The following GRAP2 variants were observed in gnomAD, a reference collection of about 807,000 sequenced individuals.
GRAP2 encodes GRB2 related adaptor protein 2.
Under a neutral mutation model 43.5 loss-of-function variants are expected in GRAP2, and 31 were observed. That is an observed-to-expected ratio of 0.71 (90% CI 0.54 to 0.96). The LOEUF is 0.96. GRAP2 is among the 40% of genes least tolerant of loss of function. The pLI, the probability that GRAP2 is intolerant of heterozygous loss-of-function variation, is 0.00. For missense variants in GRAP2, 371 were observed against 424.4 expected (o/e 0.87, Z 1.11); for synonymous variants, 156 against 164.8 (o/e 0.95, Z 0.41).
chr22:39,940,478 A>G (rs1031289477), intron 1 of GRAP2, among the ~76,000 whole-genome samples: 7 of 151,272 alleles, frequency 4.6e-5, no homozygotes, highest in Admixed American at 2.6e-4. Context: ...CAGGCGAGCC[A>G]TAAGGTAGTT....
At chr22:39,928,014 A>G (rs1393820135) in intron 1 of GRAP2, among the ~76,000 whole-genome samples, 1 of 152,234 alleles carries the variant, frequency 6.6e-6, no homozygotes, top group African/African-American at 2.4e-5. Context: ...TAGAGAGATC[A>G]CTGTCCCTAA....
At chr22:39,915,354 C>T (rs1276531981) in intron 1 of GRAP2, among the ~76,000 whole-genome samples, 1 of 152,044 alleles carries the variant, frequency 6.6e-6, no homozygotes, top group East Asian at 1.9e-4. Flanking sequence ...AGGCATTGAC[C>T]CCACACTGGC....
At chr22:39,970,305 T>C (rs955909827) in intron 7 of GRAP2, among the ~76,000 whole-genome samples, 2 of 152,092 alleles carry the variant, frequency 1.3e-5, no homozygotes, top group African/African-American at 4.8e-5. Context: ...GGTCTGGAAC[T>C]CCTGGGCTCA....
intron 1 of GRAP2, among the ~76,000 whole-genome samples, chr22:39,902,957 GC>G (rs544517911): frequency 8.6e-4 from 131 of 152,274 alleles, no homozygotes; most frequent in African/African-American, 3.1e-3. Context: ...ATTTCCTGAA[GC>G]CATCTCTTTT....
At chr22:39,932,548 C>CAAAA (rs137982) in intron 1 of GRAP2, among the ~76,000 whole-genome samples, 45 of 43,260 alleles carry the variant, frequency 1.0e-3, no homozygotes, top group African/African-American at 1.2e-3. Flanking sequence ...CCTGTCTCTA[C>CAAAA]AAAAAAAAAA....
chr22:39,973,507 A>G lies in GRAP2; in HGVS notation c.*2423A>G, dbSNP rs1243111780. ...TCGGTGTTCTGTTGTAGCAAAAGCT[A>G]CTGAAGAGTATTTTGTACTGAGATG... On this transcript the variant is annotated 3_prime_UTR_variant, in exon 8 of 8. Coordinates refer to ENST00000344138, the MANE Select transcript of GRAP2 (RefSeq NM_004810.4). The G allele has an allele frequency of 1.3e-5, 2 of 152,158 alleles. No homozygotes were observed. The highest frequency in any genetic ancestry group is 2.4e-5 in the African/African-American group (1 of 41,438). The allele number at this position is 152,158 out of a possible 1,614,324, so 9.4% of individuals were successfully genotyped here.
At chr22:39,969,245 G>A (rs2067212279) in intron 6 of GRAP2, 166 bp from the exon 7 acceptor site, 1 of 677,828 alleles carries the variant, frequency 1.5e-6, no homozygotes, top group African/African-American at 1.8e-5. Flanking sequence ...AATCTAAGGT[G>A]CCTTTAGACC....
At chr22:39,963,655 CA>C (rs760672413) in intron 4 of GRAP2, among the ~76,000 whole-genome samples, 8 of 152,150 alleles carry the variant, frequency 5.3e-5, no homozygotes, top group Non-Finnish European at 1.2e-4. Context: ...CAAATCCCAG[CA>C]CATAAGATGA....
At chr22:39,915,304 A>G (rs1278487902) in intron 1 of GRAP2, among the ~76,000 whole-genome samples, 9 of 151,916 alleles carry the variant, frequency 5.9e-5, no homozygotes, top group Non-Finnish European at 2.9e-5. Flanking sequence ...TTCACGGGGC[A>G]CTGCTCAAGG....
chr22:39,912,645 G>A (rs952945888), intron 1 of GRAP2, among the ~76,000 whole-genome samples: 1 of 152,190 alleles, frequency 6.6e-6, no homozygotes, highest in African/African-American at 2.4e-5. Flanking sequence ...ATAGTGACAA[G>A]GTTGGAAAAC....
In GRAP2 at chr22:39,924,205, G is replaced by A. The variant is rs6001704; in HGVS notation, c.-15+22875G>A. Among the ~76,000 whole-genome samples, 857 of 152,260 alleles carry A rather than the reference G, an allele frequency of 5.6e-3. 7 individuals carry two copies. The highest frequency in any genetic ancestry group is 0.02 in the African/African-American group (834 of 41,536). ...ATTCTGGATGAACTTTAAGCTCCCA[G>A]GAAATGCATGTAAAATACTGTTTAT... is the stretch of plus-strand genomic sequence containing the variant. On this transcript the variant is annotated intron_variant, in intron 1 of 7. Transcript: ENST00000344138.
At chr22:39,959,955 G>A in intron 3 of GRAP2, 100 bp from the exon 4 acceptor site, 1 of 1,070,518 alleles carries the variant, frequency 9.3e-7, no homozygotes, top group African/African-American at 1.5e-5. Context: ...ACTGTACAGA[G>A]TCCCCAGCCT....
At chr22:39,915,128 G>A (rs2066593814) in intron 1 of GRAP2, among the ~76,000 whole-genome samples, 1 of 146,100 alleles carries the variant, frequency 6.8e-6, no homozygotes, top group Non-Finnish European at 1.5e-5. Context: ...GGCAGAGGCT[G>A]CAGTGAGCCA....
Position 39,901,127 on chromosome 22 carries a change from A to T in GRAP2, c.-218A>T. ...GGGTTAGTTTGGAGGAGGGAGTAAG[A>T]GGTGGGGAGGAGGAGGCACAGTTAA... On this transcript the variant is annotated 5_prime_UTR_variant, in exon 1 of 8. Transcript: ENST00000344138. 2.4e-6 allele frequency: 1 copy of T among 419,014 alleles called. No homozygotes were observed. Among genetic ancestry groups the T allele is most frequent in the Non-Finnish European group, 4.7e-6 (1 of 210,724 alleles). 26.0% of individuals were successfully genotyped at this position (419,014 alleles called of 1,614,324 possible).
At chr22:39,914,274 C>T (rs1233237084) in intron 1 of GRAP2, among the ~76,000 whole-genome samples, 3 of 152,172 alleles carry the variant, frequency 2.0e-5, no homozygotes, top group Non-Finnish European at 4.4e-5. Flanking sequence ...ATCTTCTCTG[C>T]ACTTATAGTC....
Position 39,901,256 on chromosome 22 carries a change from C to G in GRAP2, c.-89C>G, listed in dbSNP as rs1470459005. ...TAACTCTGATGCTTGAATTTGTCTC[C>G]CTTCTTGCCAGAAAGGATTCTAATA... On this transcript the variant is annotated 5_prime_UTR_variant, in exon 1 of 8. Coordinates refer to ENST00000344138, the MANE Select transcript of GRAP2 (RefSeq NM_004810.4). 4 of 1,275,792 alleles carry G rather than the reference C, an allele frequency of 3.1e-6. No homozygotes were observed. In the South Asian group the frequency reaches 5.0e-5, roughly 16 times the overall value. The allele number at this position is 1,275,792 out of a possible 1,614,324, so 79.0% of individuals were successfully genotyped here.
chr22:39,911,095 G>A (rs1043796631), intron 1 of GRAP2, among the ~76,000 whole-genome samples: 1 of 152,148 alleles, frequency 6.6e-6, no homozygotes, highest in Non-Finnish European at 1.5e-5. Context: ...TTCGATGTCT[G>A]CAAAACCCTA....
chr22:39,893,931 G>A, the GRAP2 span: 1 of 152,064 alleles, frequency 6.6e-6, no homozygotes. Context: ...CTGTGACACT[G>A]CCCTAATCCT....
chr22:39,963,366 T>TAAC (rs1416238532), intron 4 of GRAP2, among the ~76,000 whole-genome samples: 3 of 152,168 alleles, frequency 2.0e-5, no homozygotes, highest in Non-Finnish European at 2.9e-5. Context: ...CACCCATCCT[T>TAAC]ACAGCTTATG....
Sources: allele counts gnomAD v4.1 joint callset (sites outside exome capture counted in the v4.1 genomes callset), GRCh38; gene constraint gnomAD v4.1.1; transcripts MANE v1.5; gene names NCBI Gene and HGNC (gene_info 2026-07-23, HGNC 2026-07-21).